The following CCBE1 variants were observed in gnomAD, a reference collection of about 807,000 sequenced individuals.
CCBE1 encodes the protein collagen and calcium-binding EGF domain-containing protein 1.
A neutral mutation model predicts 50.0 loss-of-function variants in CCBE1; 37 were observed. The ratio of observed to expected loss-of-function variants is 0.74; its 90% CI spans 0.57 to 0.97. CCBE1 has a LOEUF of 0.97. Ranked by LOEUF, CCBE1 falls within the 50% of genes least tolerant of loss-of-function variation. The pLI is 0.00. For missense variants in CCBE1, 538 were observed against 523.8 expected (o/e 1.03, Z -0.26); for synonymous variants, 234 against 203.7 (o/e 1.15, Z -1.27).
At chr18:59,555,666 A>C (rs1254402808) in intron 2 of CCBE1, among the ~76,000 whole-genome samples, 2 of 152,244 alleles carry the variant, frequency 1.3e-5, no homozygotes, top group Non-Finnish European at 2.9e-5. Flanking sequence ...GGGTCTTTAC[A>C]TTGCATAAAA....
chr18:59,654,180 T>C (rs1466752779), intron 2 of CCBE1, among the ~76,000 whole-genome samples: 2 of 152,230 alleles, frequency 1.3e-5, no homozygotes, highest in African/African-American at 4.8e-5. Flanking sequence ...ACTTTTTCTT[T>C]TGATCACAGA....
chr18:59,658,664 A>C (rs9953679), intron 2 of CCBE1, among the ~76,000 whole-genome samples: 45 of 150,062 alleles, frequency 3.0e-4, no homozygotes, highest in African/African-American at 1.0e-3. Flanking sequence ...GGCAGATCAC[A>C]AGGTCAAGAG....
chr18:59,501,932 G>T (rs1412756809), intron 2 of CCBE1, among the ~76,000 whole-genome samples: 1 of 152,134 alleles, frequency 6.6e-6, no homozygotes, highest in Non-Finnish European at 1.5e-5. Flanking sequence ...CCAAGTAGCT[G>T]CAACTACAGG....
chr18:59,435,858 G>T lies in CCBE1; in HGVS notation c.*50C>A. ...TTTCTTCTCTTTAGATGGTTTAACTGCAGGTGAGTTGATCTTTCTCTTCCT... is the reference window on the plus strand; with the variant it reads ...TTTCTTCTCTTTAGATGGTTTAACTTCAGGTGAGTTGATCTTTCTCTTCCT... On this transcript the variant is annotated 3_prime_UTR_variant, in exon 11 of 11. Coordinates refer to ENST00000439986, the MANE Select transcript of CCBE1 (RefSeq NM_133459.4). 4.0e-6 allele frequency: 6 copies of T among 1,487,344 alleles called. No homozygotes were observed. The highest frequency in any genetic ancestry group is 5.6e-6 in the Non-Finnish European group (6 of 1,064,240). The allele number at this position is 1,487,344 out of a possible 1,614,324, so 92.1% of individuals were successfully genotyped here. A position where few individuals can be genotyped will look rare whatever the true frequency, so the allele number is the denominator to read the frequency against.
chr18:59,455,188 T>TA, intron 5 of CCBE1: 1 of 614,442 alleles, frequency 1.6e-6, no homozygotes, highest in East Asian at 3.0e-5. Context: ...TGTTCCTATT[T>TA]AGACATGCCA....
At chr18:59,509,647 C>T (rs547061515) in intron 2 of CCBE1, among the ~76,000 whole-genome samples, 21 of 152,294 alleles carry the variant, frequency 1.4e-4, no homozygotes, top group African/African-American at 5.1e-4. Flanking sequence ...CTTAAGTTGA[C>T]AGCAGCACAC....
At chr18:59,459,874 T>C (rs1412968431) in intron 5 of CCBE1, among the ~76,000 whole-genome samples, 1 of 152,196 alleles carries the variant, frequency 6.6e-6, no homozygotes, top group South Asian at 2.1e-4. Context: ...CCCCAGGTAA[T>C]TGCAAGGTTG....
intron 2 of CCBE1, among the ~76,000 whole-genome samples, chr18:59,627,867 C>T (rs1212576938): frequency 6.6e-6 from 1 of 152,096 alleles, no homozygotes; most frequent in African/African-American, 2.4e-5. Context: ...TTACAGCAAA[C>T]CTAGGAAGCT....
intron 2 of CCBE1, among the ~76,000 whole-genome samples, chr18:59,566,678 A>C (rs865975980): frequency 6.6e-6 from 1 of 152,200 alleles, no homozygotes; most frequent in African/African-American, 2.4e-5. Flanking sequence ...TTATCTGAAC[A>C]TATTAATAAA....
chr18:59,443,746 A>G (rs1910548757), intron 7 of CCBE1, among the ~76,000 whole-genome samples: 1 of 152,188 alleles, frequency 6.6e-6, no homozygotes, highest in South Asian at 2.1e-4. Flanking sequence ...CTGGGATTAC[A>G]GGTGTGAGCC....
chr18:59,648,693 C>A (rs1361441362), intron 2 of CCBE1, among the ~76,000 whole-genome samples: 3 of 152,104 alleles, frequency 2.0e-5, no homozygotes, highest in African/African-American at 7.2e-5. Context: ...CAGAGCAAGA[C>A]CCTGTCTCAA....
intron 10 of CCBE1, among the ~76,000 whole-genome samples, chr18:59,437,709 C>T (rs1401670435): frequency 6.6e-6 from 1 of 152,176 alleles, no homozygotes; most frequent in Non-Finnish European, 1.5e-5. Flanking sequence ...GAGGAGATGG[C>T]CATCTGGCCT....
At chr18:59,588,544 C>A (rs766496070) in intron 2 of CCBE1, among the ~76,000 whole-genome samples, 1 of 152,134 alleles carries the variant, frequency 6.6e-6, no homozygotes, top group Admixed American at 6.5e-5. Flanking sequence ...ATTGGAACCA[C>A]GCAGTATGTT....
Position 59,678,071 on chromosome 18 carries a change from G to A in CCBE1, c.212+18558C>T, listed in dbSNP as rs181676604. ...ATGCAAAGATGGGAAGTAAGCGTGT[G>A]CGATGGTTGTAAGCGGGTGCGGTAG... On this transcript the variant is annotated intron_variant, in intron 2 of 10. Coordinates refer to ENST00000439986, the MANE Select transcript of CCBE1 (RefSeq NM_133459.4). Among the ~76,000 whole-genome samples the A allele has an allele frequency of 1.2e-4, 19 of 152,306 alleles. No individual in the cohort carries two copies. The South Asian group carries it at 2.3e-3, about 18-fold the overall frequency.
At chr18:59,676,514 A>G (rs1477603466) in intron 2 of CCBE1, among the ~76,000 whole-genome samples, 2 of 152,238 alleles carry the variant, frequency 1.3e-5, no homozygotes, top group African/African-American at 2.4e-5. Flanking sequence ...CTAAGTATAA[A>G]TTAAATCAAA....
At position 59,467,001 on chromosome 18, in the gene CCBE1, C is replaced by G; in HGVS notation, c.401-110G>C. The stretch of plus-strand genomic sequence containing the variant: ...TTAATAACAATGAAGGACACTTGGG[C>G]CGACCTTGATCAGAGCAGCCTGGAA... On this transcript the variant is annotated intron_variant, in intron 4 of 10. Coordinates refer to ENST00000439986, the MANE Select transcript of CCBE1 (RefSeq NM_133459.4). The G allele has an allele frequency of 3.1e-6, 3 of 971,864 alleles. No individual in the cohort carries two copies. The Admixed American group carries it at 5.3e-5, about 17-fold the overall frequency. 60.2% of individuals were successfully genotyped at this position (971,864 alleles called of 1,614,324 possible).
intron 4 of CCBE1, among the ~76,000 whole-genome samples, chr18:59,467,224 G>A (rs1911794004): frequency 6.6e-6 from 1 of 152,180 alleles, no homozygotes; most frequent in South Asian, 2.1e-4. Context: ...ACTTCAGAGG[G>A]CTGCTTAGAA....
intron 2 of CCBE1, among the ~76,000 whole-genome samples, chr18:59,645,834 A>G (rs57401351): frequency 0.12 from 17,660 of 152,120 alleles, 1,292 homozygotes; most frequent in East Asian, 0.19. Context: ...GATCGAGACC[A>G]TCCTGGCTAA....
chr18:59,517,796 CACAACTA>C (rs1568182809), intron 2 of CCBE1, among the ~76,000 whole-genome samples: 1 of 152,206 alleles, frequency 6.6e-6, no homozygotes. Flanking sequence ...GGTTCAGAGC[CACAACTA>C]CTGAAAGTCT....
Sources: gnomAD v4.1 joint callset for allele counts (sites outside exome capture counted in the v4.1 genomes callset) on GRCh38, gnomAD v4.1.1 for gene constraint, MANE v1.5 for transcripts, NCBI Gene and HGNC (gene_info 2026-07-23, HGNC 2026-07-21) for gene names.